The following SF3A2 variants were observed in gnomAD, a reference collection of about 807,000 sequenced individuals.
The protein encoded by SF3A2 is SAP 62.
Under a neutral mutation model 31.1 loss-of-function variants are expected in SF3A2, and 5 were observed. The observed-to-expected ratio is 0.16, with a 90% CI of 0.08 to 0.34. The LOEUF is 0.34. Among genes scored for constraint, SF3A2 ranks in the 10% least tolerant of loss-of-function variants. SF3A2 has a pLI of 1.00. For synonymous variants in SF3A2, 365 were observed against 263.7 expected, an observed-to-expected ratio of 1.38 and a Z score of -3.72; for missense variants, 577 against 643.9, an observed-to-expected ratio of 0.90 and a Z score of 1.13.
rs758509301 is a variant in SF3A2, at chr19:2,247,016, C to T, written c.540C>T (p.Ala180=). 1.5e-6 allele frequency: 2 copies of T among 1,357,886 alleles called. No homozygotes were observed. The highest frequency in any genetic ancestry group is 1.2e-5 in the South Asian group (1 of 83,228). 84.1% of individuals were successfully genotyped at this position (1,357,886 alleles called of 1,614,324 possible). The change falls in exon 7 of 9, where the codon GCC becomes GCT. Residue 180 remains alanine, a synonymous_variant. Coordinates refer to ENST00000221494, the MANE Select transcript of SF3A2 (RefSeq NM_007165.5). ...CCGCCGAGCCCTACGAGACCATTGC[C>T]TTCAAGGTAGCGTGGCTGCGGGGTT... ...LMAAEPYETI[A]FKVPSREIDK...
chr19:2,238,730 C>T (rs1156678255), intron 1 of SF3A2, among the ~76,000 whole-genome samples: 2 of 152,216 alleles, frequency 1.3e-5, no homozygotes, highest in Non-Finnish European at 2.9e-5. Flanking sequence ...CTCTCACACA[C>T]CTATCAGTTG....
intron 4 of SF3A2, 58 bp downstream of exon 4, chr19:2,244,837 C>A: frequency 6.6e-7 from 1 of 1,523,044 alleles, no homozygotes; most frequent in South Asian, 1.1e-5. Flanking sequence ...GCTCAAGTCT[C>A]TGTGAGCCTC....
In SF3A2 at chr19:2,246,799, C is replaced by T. The variant is rs574363809; in HGVS notation, c.402C>T (p.Phe134=). 6.2e-7 allele frequency: 1 copy of T among 1,613,930 alleles called. No individual in the cohort carries two copies. Among genetic ancestry groups the T allele is most frequent in the Non-Finnish European group, 8.5e-7 (1 of 1,179,964 alleles). Reference sequence around the variant, plus strand: ...AGATGGGCCAGCAGAGCCTCCTCTTCCAGGTGAGATCAGGGACTTGGGCGT... The same window carrying T: ...AGATGGGCCAGCAGAGCCTCCTCTTTCAGGTGAGATCAGGGACTTGGGCGT... ...DSEMGQQSLL[F]QIDYPEIAEG... The change falls in exon 6 of 9, where the codon TTC becomes TTT. Residue 134 remains phenylalanine, a synonymous_variant. Transcript: ENST00000221494. The surrounding 1 kb of genome is among the most constrained non-coding windows in gnomAD (Gnocchi z 5.5).
intron 1 of SF3A2, among the ~76,000 whole-genome samples, chr19:2,240,200 C>T (rs1048699370): frequency 2.0e-5 from 3 of 152,164 alleles, no homozygotes; most frequent in Admixed American, 6.5e-5. Context: ...GGGGGGCGTC[C>T]GTGCTGGGCC....
At chr19:2,241,340 G>C (rs185850447) in intron 1 of SF3A2, among the ~76,000 whole-genome samples, 3 of 152,202 alleles carry the variant, frequency 2.0e-5, no homozygotes, top group East Asian at 1.9e-4. Context: ...GCTGAGATGC[G>C]TGGAGGACTG....
chr19:2,243,890 G>A (rs944848930), intron 2 of SF3A2, among the ~76,000 whole-genome samples: 2 of 152,230 alleles, frequency 1.3e-5, no homozygotes, highest in Non-Finnish European at 2.9e-5. Context: ...GGGGTGAGCC[G>A]AGTCCCCTCA....
intron 1 of SF3A2, among the ~76,000 whole-genome samples, chr19:2,241,181 G>T (rs2024885721): frequency 1.3e-5 from 2 of 152,186 alleles, no homozygotes; most frequent in Non-Finnish European, 2.9e-5. Flanking sequence ...GTCCTCCCGG[G>T]AGAGGGGAGC....
At position 2,244,624 on chromosome 19, in the gene SF3A2, T is replaced by A. The variant is rs45502694; in HGVS notation, c.198+9T>A. ...CACTTCACAACAATGAGGTGCGGCC[T>A]CTGCCTGGCTCCGGGCGGCTCGCGG... is the stretch of plus-strand genomic sequence containing the variant. On this transcript the variant is annotated intron_variant, in intron 3 of 8. Coordinates refer to ENST00000221494, the MANE Select transcript of SF3A2 (RefSeq NM_007165.5). 1 of 1,613,846 alleles carries A rather than the reference T, an allele frequency of 6.2e-7. No homozygotes were observed. The highest frequency in any genetic ancestry group is 1.7e-5 in the Admixed American group (1 of 60,020).
intron 7 of SF3A2, 45 bp from the exon 8 acceptor site, chr19:2,247,549 G>A: frequency 6.2e-7 from 1 of 1,603,718 alleles, no homozygotes; most frequent in South Asian, 1.1e-5. Flanking sequence ...TGGTCGCCCT[G>A]AGGTCACAGG....
chr19:2,240,339 C>G (rs1355867576), intron 1 of SF3A2, among the ~76,000 whole-genome samples: 1 of 152,254 alleles, frequency 6.6e-6, no homozygotes, highest in Non-Finnish European at 1.5e-5. Context: ...CTCTCTAACT[C>G]TAGAGGCCCT....
chr19:2,247,342 C>T (rs1402725529), intron 7 of SF3A2: 1 of 574,510 alleles, frequency 1.7e-6, no homozygotes, highest in East Asian at 2.9e-5. Context: ...CATGCCTGGA[C>T]AGGGCGGCCA....
intron 1 of SF3A2, among the ~76,000 whole-genome samples, chr19:2,238,191 T>G (rs2024854105): frequency 1.3e-5 from 2 of 152,230 alleles, no homozygotes; most frequent in South Asian, 4.1e-4. Flanking sequence ...GTCCGGCGAA[T>G]TTTTGTATTT....
chr19:2,248,237 A>G lies in SF3A2; in HGVS notation c.1086A>G (p.Pro362=). ...CCCCTGGGGTTCACCCACCAGCCCC[A>G]GGGGTCCATCCTCCCCCATCAGCGG... The part of the protein sequence containing the change: ...PPAPGVHPPA[P]GVHPPPSAGV... Residue 362 remains proline (P), a synonymous_variant, in exon 9 of 9, where the codon CCA becomes CCG. Coordinates refer to ENST00000221494, the MANE Select transcript of SF3A2 (RefSeq NM_007165.5). The G allele has an allele frequency of 1.7e-6, 2 of 1,144,850 alleles. No individual in the cohort carries two copies. Among genetic ancestry groups the G allele is most frequent in the Non-Finnish European group, 2.2e-6 (2 of 921,884 alleles). 70.9% of individuals were successfully genotyped at this position (1,144,850 alleles called of 1,614,324 possible). A position where few individuals can be genotyped will look rare whatever the true frequency, so the allele number is the denominator to read the frequency against.
In SF3A2 at chr19:2,244,576, C is replaced by T. The variant is rs772625198; in HGVS notation, c.159C>T (p.Ser53=). The part of the protein sequence containing the change: ...DPYFMKNHLG[S]YECKLCLTLH... ...ACTTCATGAAGAACCACCTGGGCTCCTATGAATGCAAACTCTGCCTGACAC... is the reference window on the plus strand; with the variant it reads ...ACTTCATGAAGAACCACCTGGGCTCTTATGAATGCAAACTCTGCCTGACAC... Residue 53 remains serine (S), a synonymous_variant, in exon 3 of 9, where the codon TCC becomes TCT. Coordinates refer to ENST00000221494, the MANE Select transcript of SF3A2 (RefSeq NM_007165.5). 3 of 1,614,124 alleles carry T rather than the reference C, an allele frequency of 1.9e-6. No individual in the cohort carries two copies. Among genetic ancestry groups the T allele is most frequent in the Non-Finnish European group, 8.5e-7 (1 of 1,179,988 alleles).
chr19:2,240,641 G>A (rs2024881383), intron 1 of SF3A2, among the ~76,000 whole-genome samples: 1 of 152,246 alleles, frequency 6.6e-6, no homozygotes, highest in African/African-American at 2.4e-5. Flanking sequence ...GGCCGCTGGG[G>A]CGTTCTGTCT....
chr19:2,241,677 T>A (rs1373453734), intron 1 of SF3A2, among the ~76,000 whole-genome samples: 4 of 152,112 alleles, frequency 2.6e-5, no homozygotes, highest in African/African-American at 9.7e-5. Flanking sequence ...GAAGAATGTG[T>A]GGCCAAGAAG....
rs777271867 is a variant in SF3A2, at chr19:2,246,749, G to T, written c.356-4G>T. 5 of 1,613,930 alleles carry T rather than the reference G, an allele frequency of 3.1e-6. No homozygotes were observed. The highest frequency in any genetic ancestry group is 4.2e-6 in the Non-Finnish European group (5 of 1,179,966). ...CCGGGACCTGAGAGCTTTCTGTGTT[G>T]CAGTGACCAAGCAGAGAGACTCGGA... On this transcript the variant is annotated splice_region_variant and splice_polypyrimidine_tract_variant and intron_variant, in intron 5 of 8. Coordinates refer to ENST00000221494, the MANE Select transcript of SF3A2 (RefSeq NM_007165.5). This position sits in a 1 kb window ranked among gnomAD's most constrained non-coding sequence, Gnocchi z 5.5.
chr19:2,237,177 G>A (rs2024832325), intron 1 of SF3A2: 1 of 152,274 alleles, frequency 6.6e-6, no homozygotes, highest in African/African-American at 2.4e-5. Flanking sequence ...CACTGCTCAG[G>A]GAGGCCTTGG....
chr19:2,239,374 A>AAG (rs1385473926), intron 1 of SF3A2, among the ~76,000 whole-genome samples: 7 of 149,314 alleles, frequency 4.7e-5, no homozygotes, highest in Admixed American at 6.6e-5. Flanking sequence ...AAAAAAAAAA[A>AAG]AGAGAGAGAA....
Sources: allele counts gnomAD v4.1 joint callset (sites outside exome capture counted in the v4.1 genomes callset), GRCh38; gene constraint gnomAD v4.1.1; non-coding constraint Gnocchi (gnomAD v3.1); transcripts MANE v1.5; gene names NCBI Gene and HGNC (gene_info 2026-07-23, HGNC 2026-07-21).